The following ANKS1B variants were observed in gnomAD, a reference collection of about 807,000 sequenced individuals.
ANKS1B encodes ankyrin repeat and sterile alpha motif domain-containing protein 1B.
A neutral mutation model predicts 148.3 loss-of-function variants in ANKS1B; 36 were observed. The ratio of observed to expected loss-of-function variants is 0.24; its 90% CI spans 0.19 to 0.32. ANKS1B has a LOEUF of 0.32. ANKS1B is among the 10% of genes least tolerant of loss of function. The pLI is 1.00. For missense variants in ANKS1B, 1,157 were observed against 1,542.6 expected, an observed-to-expected ratio of 0.75 and a Z score of 4.19; for synonymous variants, 542 against 560.8, an observed-to-expected ratio of 0.97 and a Z score of 0.47.
chr12:98,782,893 C>CACTTCTTA (rs1270527007), intron 22 of ANKS1B, among the ~76,000 whole-genome samples: 6 of 152,176 alleles, frequency 3.9e-5, no homozygotes, highest in African/African-American at 1.4e-4. Context: ...TTCTTCCAAC[C>CACTTCTTA]ACTTCTTAAA....
chr12:99,510,768 T>A (rs7316552), intron 9 of ANKS1B, among the ~76,000 whole-genome samples: 4 of 152,016 alleles, frequency 2.6e-5, no homozygotes, highest in Admixed American at 2.6e-4. Context: ...TAAAATGCTA[T>A]CAAACAGCTT....
chr12:99,370,531 C>T (rs907715299), intron 12 of ANKS1B, among the ~76,000 whole-genome samples: 5 of 152,232 alleles, frequency 3.3e-5, no homozygotes, highest in South Asian at 2.1e-4. Context: ...GACACACAGA[C>T]ATGCAATGAA....
At chr12:99,189,826 G>A (rs1009427323) in intron 14 of ANKS1B, among the ~76,000 whole-genome samples, 1 of 152,134 alleles carries the variant, frequency 6.6e-6, no homozygotes, top group East Asian at 1.9e-4. Context: ...ACATAGTATT[G>A]GAAGTTCTGG....
chr12:99,505,428 A>T (rs2096700825), intron 9 of ANKS1B, among the ~76,000 whole-genome samples: 1 of 151,880 alleles, frequency 6.6e-6, no homozygotes, highest in African/African-American at 2.4e-5. Flanking sequence ...AATACCATTA[A>T]CTAATATACT....
At chr12:99,299,048 T>C (rs2081266844) in intron 12 of ANKS1B, among the ~76,000 whole-genome samples, 1 of 151,238 alleles carries the variant, frequency 6.6e-6, no homozygotes, top group Non-Finnish European at 1.5e-5. Context: ...TTTATCCTAT[T>C]TCATGTTTGT....
At chr12:99,974,055 C>T (rs1446588792) in intron 1 of ANKS1B, among the ~76,000 whole-genome samples, 1 of 152,200 alleles carries the variant, frequency 6.6e-6, no homozygotes, top group East Asian at 1.9e-4. Flanking sequence ...TAATGTGAAA[C>T]TTCATTACTG....
At chr12:98,838,768 T>TGC (rs1247553661) in intron 17 of ANKS1B, among the ~76,000 whole-genome samples, 1 of 152,202 alleles carries the variant, frequency 6.6e-6, no homozygotes, top group African/African-American at 2.4e-5. Flanking sequence ...TAGCCTCTTC[T>TGC]AATAAAACTG....
At chr12:99,417,396 T>C (rs1265915251) in intron 11 of ANKS1B, among the ~76,000 whole-genome samples, 1 of 152,214 alleles carries the variant, frequency 6.6e-6, no homozygotes, top group African/African-American at 2.4e-5. Context: ...TTCTGTCCTA[T>C]TGATCTAAGT....
At chr12:99,879,238 G>A (rs1373056877) in intron 1 of ANKS1B, among the ~76,000 whole-genome samples, 9 of 152,168 alleles carry the variant, frequency 5.9e-5, no homozygotes, top group Admixed American at 5.9e-4. Context: ...GAGGTGTTAA[G>A]AGAGAAAGGC....
At chr12:99,273,816 A>G (rs1289239644) in intron 12 of ANKS1B, among the ~76,000 whole-genome samples, 1 of 151,794 alleles carries the variant, frequency 6.6e-6, no homozygotes, top group Non-Finnish European at 1.5e-5. Flanking sequence ...TGAACTCCTG[A>G]CCTCATAATC....
At chr12:98,930,834 G>C (rs1311310601) in intron 17 of ANKS1B, among the ~76,000 whole-genome samples, 1 of 152,162 alleles carries the variant, frequency 6.6e-6, no homozygotes, top group Admixed American at 6.6e-5. Context: ...ACACAACTCT[G>C]TGAGTACACG....
At chr12:99,479,888 T>C (rs1264222161) in intron 10 of ANKS1B, among the ~76,000 whole-genome samples, 1 of 151,904 alleles carries the variant, frequency 6.6e-6, no homozygotes, top group Non-Finnish European at 1.5e-5. Context: ...TTTTAAATTT[T>C]AAATGTTCTC....
chr12:99,828,370 CCAA>C (rs2083467472), intron 1 of ANKS1B, among the ~76,000 whole-genome samples: 1 of 152,108 alleles, frequency 6.6e-6, no homozygotes, highest in African/African-American at 2.4e-5. Context: ...CAGACACAAG[CCAA>C]TCCAGCACAC....
At chr12:99,181,528 T>A (rs1346889602) in intron 14 of ANKS1B, among the ~76,000 whole-genome samples, 2 of 152,226 alleles carry the variant, frequency 1.3e-5, no homozygotes, top group East Asian at 1.9e-4. Context: ...AAGATGGCCT[T>A]CACAAGAGAA....
At chr12:98,748,306 C>G (rs1159803299) in intron 26 of ANKS1B, among the ~76,000 whole-genome samples, 1 of 152,136 alleles carries the variant, frequency 6.6e-6, no homozygotes, top group South Asian at 2.1e-4. Flanking sequence ...AGGAGGTGAG[C>G]AGGGACCCAG....
In ANKS1B at chr12:99,267,350, A is replaced by ACT. The variant is rs143547878; in HGVS notation, c.1757-20488_1757-20487dup. The stretch of plus-strand genomic sequence containing the variant: ...TATGCCTAATTTTTTTTCTCTCCTG[A>ACT]CTCTCTCTCTCTCTCTCTTGCTACA... On this transcript the variant is annotated intron_variant, in intron 12 of 26. Transcript: ENST00000683438. Among the ~76,000 whole-genome samples, 152 of 148,508 alleles carry ACT rather than the reference A, an allele frequency of 1.0e-3. 1 individual carries two copies. Among genetic ancestry groups the ACT allele is most frequent in the Admixed American group, 1.0e-3 (15 of 14,870 alleles).
At chr12:99,891,976 T>C (rs2093134822) in intron 1 of ANKS1B, among the ~76,000 whole-genome samples, 1 of 152,162 alleles carries the variant, frequency 6.6e-6, no homozygotes, top group Non-Finnish European at 1.5e-5. Context: ...GGACTCATAA[T>C]ACTATGTTTG....
chr12:99,885,812 C>T (rs60266459), intron 1 of ANKS1B, among the ~76,000 whole-genome samples: 9,347 of 152,064 alleles, frequency 0.061, 932 homozygotes, highest in African/African-American at 0.21. Context: ...TGCCTTTGCA[C>T]GCCCATAGCT....
intron 4 of ANKS1B, among the ~76,000 whole-genome samples, chr12:99,790,046 A>C (rs963057312): frequency 3.9e-5 from 6 of 152,180 alleles, no homozygotes; most frequent in African/African-American, 1.2e-4. Context: ...AACCCAAAGA[A>C]GGCTACTTCA....
Sources: gnomAD v4.1 joint callset for allele counts (sites outside exome capture counted in the v4.1 genomes callset) on GRCh38, gnomAD v4.1.1 for gene constraint, MANE v1.5 for transcripts, NCBI Gene and HGNC (gene_info 2026-07-23, HGNC 2026-07-21) for gene names.